RGS12: variants seen among roughly 807,000 people sequenced by gnomAD.
RGS12 encodes the protein regulator of G-protein signaling 12.
Under a neutral mutation model 120.1 loss-of-function variants are expected in RGS12, and 66 were observed. That is an observed-to-expected ratio of 0.55 (90% CI 0.45 to 0.67). RGS12 has a LOEUF of 0.67. Among genes scored for constraint, RGS12 ranks in the 30% least tolerant of loss-of-function variants. The pLI, the probability that RGS12 is intolerant of heterozygous loss-of-function variation, is 0.00. For synonymous variants in RGS12, 827 were observed against 804.7 expected (o/e 1.03, Z -0.47); for missense variants, 1,859 against 1,957.7 (o/e 0.95, Z 0.95).
chr4:3,396,092 A>T (rs563092198), intron 4 of RGS12, among the ~76,000 whole-genome samples: 20 of 151,476 alleles, frequency 1.3e-4, no homozygotes, highest in Non-Finnish European at 2.8e-4. Context: ...TTTTCCATTA[A>T]TTTTTTTTCC....
chr4:3,339,568 G>T (rs1712837525), intron 2 of RGS12, among the ~76,000 whole-genome samples: 1 of 152,226 alleles, frequency 6.6e-6, no homozygotes, highest in East Asian at 1.9e-4. Flanking sequence ...TTATCTGGGA[G>T]CAGGGCATTG....
At chr4:3,363,049 ATGTGTGTGTG>A (rs371639853) in intron 3 of RGS12, among the ~76,000 whole-genome samples, 2 of 134,508 alleles carry the variant, frequency 1.5e-5, no homozygotes, top group Admixed American at 1.5e-4. Context: ...GCGAGGGTGT[ATGTGTGTGTG>A]TGTGAAATAG....
chr4:3,328,769 G>C (rs180999701), intron 2 of RGS12, among the ~76,000 whole-genome samples: 1 of 152,292 alleles, frequency 6.6e-6, no homozygotes, highest in East Asian at 1.9e-4. Flanking sequence ...GAGCTGTGTT[G>C]GGAGTGTTGG....
upstream of RGS12, among the ~76,000 whole-genome samples, chr4:3,292,191 G>A (rs987515439): frequency 6.6e-6 from 1 of 152,256 alleles, no homozygotes; most frequent in African/African-American, 2.4e-5. Flanking sequence ...CAGCGCCGGG[G>A]AAGGAAGACA....
At chr4:3,321,376 C>T (rs1725177223) in intron 2 of RGS12, among the ~76,000 whole-genome samples, 1 of 152,168 alleles carries the variant, frequency 6.6e-6, no homozygotes, top group Non-Finnish European at 1.5e-5. Context: ...GTGGGACCCT[C>T]ACATGCCAGT....
In RGS12 at chr4:3,377,360, G is replaced by A. The variant is rs539318094; in HGVS notation, c.1999-9056G>A. Among the ~76,000 whole-genome samples the A allele has an allele frequency of 2.6e-5, 4 of 152,214 alleles. No individual in the cohort carries two copies. The South Asian group carries it at 8.3e-4, about 32-fold the overall frequency. On this transcript the variant is annotated intron_variant, in intron 3 of 17. Transcript: ENST00000336727. ...TTCTGGGATTACAGGCATGAGTCAC[G>A]ATGCCCAGCTGATTATTAAATTCTT... is the stretch of plus-strand genomic sequence containing the variant.
chr4:3,354,314 A>G (rs188142973), intron 3 of RGS12, among the ~76,000 whole-genome samples: 78 of 152,220 alleles, frequency 5.1e-4, no homozygotes, highest in Admixed American at 2.4e-3. Flanking sequence ...TTCTGGCTGT[A>G]GGGGATTAGG....
chr4:3,416,805 T>G (rs1238696177), intron 7 of RGS12, 108 bp from the exon 8 acceptor site: 7 of 1,015,334 alleles, frequency 6.9e-6, no homozygotes, highest in Admixed American at 2.3e-5. Flanking sequence ...AACGATGTCC[T>G]TTCAGGACAG....
At chr4:3,376,811 C>T (rs1032101625) in intron 3 of RGS12, among the ~76,000 whole-genome samples, 1 of 152,172 alleles carries the variant, frequency 6.6e-6, no homozygotes, top group African/African-American at 2.4e-5. Context: ...GCATCTTCTC[C>T]TGAACACTCA....
rs558114589 is a variant in RGS12 at position 3,316,183 on chromosome 4, G to C, written c.13G>C (p.Gly5Arg). The C allele has an allele frequency of 2.0e-5, 31 of 1,570,160 alleles. 1 individual carries two copies. In the South Asian group the frequency reaches 3.3e-4, roughly 16 times the overall value. ...GAAGCTCATCAGAATGTTTAGAGCT[G>C]GGGAGGCCTCCAAACGCCCATTGCC... MFRA[G>R]EASKRPLPGP... Residue 5 changes from glycine (G) to arginine (R), a missense_variant, in exon 2 of 18, where the codon GGG becomes CGG. Around this residue, in one of 3 missense-constraint regions of RGS12, gnomAD observed 967 missense variants for 994.2 expected, o/e 0.97. Coordinates refer to ENST00000336727, the MANE Select transcript of RGS12 (RefSeq NM_001394154.1).
At chr4:3,417,355 A>G (rs376087545) in intron 8 of RGS12, 33 bp from the exon 9 acceptor site, 101 of 1,543,356 alleles carry the variant, frequency 6.5e-5, no homozygotes, top group Admixed American at 5.0e-4. Context: ...ATAACTTCAC[A>G]TTGTTTTAAC....
intron 2 of RGS12, among the ~76,000 whole-genome samples, chr4:3,320,102 G>A (rs892962471): frequency 6.6e-6 from 1 of 152,262 alleles, no homozygotes; most frequent in African/African-American, 2.4e-5. Context: ...GGTTCTTTGT[G>A]GATTACAGGG....
Position 3,416,141 on chromosome 4 carries a change from G to C in RGS12, c.2427+20G>C, listed in dbSNP as rs752764738. The C allele has an allele frequency of 2.9e-5, 46 of 1,613,204 alleles. No individual in the cohort carries two copies. The highest frequency in any genetic ancestry group is 3.8e-5 in the Non-Finnish European group (45 of 1,179,588). On this transcript the variant is annotated intron_variant, in intron 7 of 17. Transcript: ENST00000336727. ...CTGCAGGTAACCGCAGGCTGTGGGA[G>C]CTTGTGGGGAGTCCAGGCTAGGGCT...
intron 2 of RGS12, among the ~76,000 whole-genome samples, chr4:3,331,284 A>G (rs757007340): frequency 6.6e-6 from 1 of 152,232 alleles, no homozygotes; most frequent in Non-Finnish European, 1.5e-5. Context: ...AAACACTCCA[A>G]ATGGGTAATA....
chr4:3,340,091 C>T (rs916443523), intron 2 of RGS12, among the ~76,000 whole-genome samples: 1 of 152,258 alleles, frequency 6.6e-6, no homozygotes, highest in Non-Finnish European at 1.5e-5. Flanking sequence ...CGTCTGCATG[C>T]CGTACAGGTG....
chr4:3,423,423 G>A (rs1474515321), intron 12 of RGS12, 92 bp from the exon 13 acceptor site: 9 of 1,532,890 alleles, frequency 5.9e-6, no homozygotes, highest in African/African-American at 2.7e-5. Flanking sequence ...CCTTGAGGGC[G>A]GCCTGGGGCT....
At chr4:3,382,298 C>G (rs1052838093) in intron 3 of RGS12, among the ~76,000 whole-genome samples, 3 of 152,154 alleles carry the variant, frequency 2.0e-5, no homozygotes, top group Admixed American at 1.3e-4. Flanking sequence ...CGCAAGGTGC[C>G]CTCTCCTTCC....
At position 3,415,677 on chromosome 4, in the gene RGS12, C is replaced by T. The variant is rs562921871; in HGVS notation, c.2284-301C>T. 4.9e-4 allele frequency among the ~76,000 whole-genome samples: 74 copies of T among 152,354 alleles called. 2 individuals are homozygous for T. The highest frequency in any genetic ancestry group is 2.2e-3 in the Admixed American group (34 of 15,310). ...TCAGAGGGCGCTGCTCTCCTGCACT[C>T]CCACCTTGCCAAGACCAGGTGTGTG... On this transcript the variant is annotated intron_variant, in intron 6 of 17. Transcript: ENST00000336727.
chr4:3,291,843 C>T (rs973521373), upstream of RGS12, among the ~76,000 whole-genome samples: 2 of 152,192 alleles, frequency 1.3e-5, no homozygotes, highest in African/African-American at 4.8e-5. Context: ...CTGTGGCTTC[C>T]CGGCTCCCGG....
Sources: allele counts gnomAD v4.1 joint callset (sites outside exome capture counted in the v4.1 genomes callset), GRCh38; gene constraint gnomAD v4.1.1; regional missense constraint gnomAD v4.1.1; transcripts MANE v1.5; gene names NCBI Gene and HGNC (gene_info 2026-07-23, HGNC 2026-07-21).